The following FOXN3 variants were observed in gnomAD, a reference collection of about 807,000 sequenced individuals.
FOXN3 encodes forkhead box protein N3.
Under a neutral mutation model 38.4 loss-of-function variants are expected in FOXN3, and 7 were observed. The observed-to-expected ratio is 0.18, with a 90% CI of 0.10 to 0.34. FOXN3 has a LOEUF of 0.34. Among genes scored for constraint, FOXN3 ranks in the 10% least tolerant of loss-of-function variants. The pLI is 1.00. For missense variants in FOXN3, 456 were observed against 613.4 expected (o/e 0.74, Z 2.71); for synonymous variants, 230 against 242.2 (o/e 0.95, Z 0.47).
intron 3 of FOXN3, among the ~76,000 whole-genome samples, chr14:89,289,500 T>C (rs1284393516): frequency 6.6e-6 from 1 of 152,248 alleles, no homozygotes; most frequent in African/African-American, 2.4e-5. Flanking sequence ...GCAAAAGCAC[T>C]GTTTCCTCCC....
At position 89,574,912 on chromosome 14, in the gene FOXN3, T is replaced by C. The variant is rs558943938; in HGVS notation, c.-15+44116A>G. On this transcript the variant is annotated intron_variant, in intron 1 of 6. Transcript: ENST00000345097. ...ATTGTAAATTTCTATTTCTTCTGTA[T>C]GTTGTGCCTTTATAGGAAAGGAAGG... 1.8e-4 allele frequency among the ~76,000 whole-genome samples: 27 copies of C among 152,300 alleles called. No individual in the cohort carries two copies. The East Asian group carries it at 5.0e-3, about 28-fold the overall frequency.
At chr14:89,200,333 C>T (rs1245237969) in intron 4 of FOXN3, among the ~76,000 whole-genome samples, 4 of 152,172 alleles carry the variant, frequency 2.6e-5, no homozygotes, top group African/African-American at 9.7e-5. Flanking sequence ...TGTAAATTGC[C>T]CATCTATTAC....
chr14:89,345,207 T>C (rs1251145758), intron 3 of FOXN3, among the ~76,000 whole-genome samples: 1 of 152,100 alleles, frequency 6.6e-6, no homozygotes, highest in Non-Finnish European at 1.5e-5. Flanking sequence ...TTCCAGAGAA[T>C]GAGGCAAAAG....
At chr14:89,436,944 C>T (rs1471892697) in intron 1 of FOXN3, among the ~76,000 whole-genome samples, 2 of 152,064 alleles carry the variant, frequency 1.3e-5, no homozygotes, top group Non-Finnish European at 2.9e-5. Flanking sequence ...GTCAGGAATT[C>T]GAGACCAGCC....
At position 89,162,438 on chromosome 14, in the gene FOXN3, C is replaced by T. The variant is rs748392128; in HGVS notation, c.1383G>A (p.Glu461=). 5 of 1,567,926 alleles carry T rather than the reference C, an allele frequency of 3.2e-6. No individual in the cohort carries two copies. The South Asian group carries it at 4.7e-5, about 15-fold the overall frequency. ...TTTAATTTTTTGTGGTTTCCTTTTG[C>T]TCTTTCTGCCCCTTTGCCGTCCGAT... ...ITNRTAKGQK[E]QKETTKN Residue 461 remains glutamate (E), a synonymous_variant, in exon 6 of 6, where the codon GAG becomes GAA. Coordinates refer to ENST00000557258, the MANE Select transcript of FOXN3 (RefSeq NM_005197.4). The surrounding 1 kb of genome is among the most constrained non-coding windows in gnomAD (Gnocchi z 7.2).
At chr14:89,396,771 G>T (rs1449513798) in intron 2 of FOXN3, among the ~76,000 whole-genome samples, 1 of 149,464 alleles carries the variant, frequency 6.7e-6, no homozygotes, top group East Asian at 2.0e-4. Flanking sequence ...GGCGGAGGTT[G>T]CAGTGAGCTG....
chr14:89,458,230 T>C lies in FOXN3; in HGVS notation c.-14-45740A>G, dbSNP rs1193363733. Among the ~76,000 whole-genome samples the C allele has an allele frequency of 2.0e-5, 3 of 152,094 alleles. 1 individual carries two copies. In the South Asian group the frequency reaches 6.2e-4, roughly 32 times the overall value. On this transcript the variant is annotated intron_variant, in intron 1 of 6. Coordinates refer to the FOXN3 transcript ENST00000345097. ...AAGGCTTTTTCCCCCATAAGAAATA[T>C]CTGTAGTTTTCAGTGTCTCTTGTCA...
At chr14:89,304,885 C>T (rs1474206493) in intron 3 of FOXN3, among the ~76,000 whole-genome samples, 1 of 150,706 alleles carries the variant, frequency 6.6e-6, no homozygotes, top group Non-Finnish European at 1.5e-5. Context: ...AAACATATAC[C>T]CAGAGGAGAG....
intron 4 of FOXN3, among the ~76,000 whole-genome samples, chr14:89,235,960 T>C (rs1884968201): frequency 1.3e-5 from 2 of 149,656 alleles, no homozygotes; most frequent in South Asian, 2.1e-4. Context: ...TAGCAGCAGA[T>C]GGAGAAACTG....
chr14:89,224,696 C>T (rs952857876), intron 4 of FOXN3, among the ~76,000 whole-genome samples: 1 of 152,106 alleles, frequency 6.6e-6, no homozygotes, highest in African/African-American at 2.4e-5. Context: ...CTAAGGAAGA[C>T]AAAATGCTAC....
At chr14:89,308,614 C>A (rs977907767) in intron 3 of FOXN3, among the ~76,000 whole-genome samples, 1 of 152,212 alleles carries the variant, frequency 6.6e-6, no homozygotes, top group African/African-American at 2.4e-5. Flanking sequence ...CGGGAAGAAG[C>A]AGAATCTGGC....
At chr14:89,317,138 A>C (rs2139967470) in intron 3 of FOXN3, among the ~76,000 whole-genome samples, 1 of 152,354 alleles carries the variant, frequency 6.6e-6, no homozygotes, top group African/African-American at 2.4e-5. Flanking sequence ...ATGCAAAAAA[A>C]CAAAAAATAA....
chr14:89,553,169 GTT>G (rs916726979), intron 1 of FOXN3, among the ~76,000 whole-genome samples: 6 of 146,632 alleles, frequency 4.1e-5, no homozygotes, highest in African/African-American at 1.3e-4. Flanking sequence ...AGACCAGGCA[GTT>G]GAGAATGCAG....
At chr14:89,526,795 C>A (rs1441955308) in intron 1 of FOXN3, among the ~76,000 whole-genome samples, 1 of 151,990 alleles carries the variant, frequency 6.6e-6, no homozygotes, top group Non-Finnish European at 1.5e-5. Flanking sequence ...GCAAAAACAA[C>A]TTTCAACAAG....
chr14:89,424,041 A>C (rs927857832), intron 1 of FOXN3, among the ~76,000 whole-genome samples: 10 of 152,234 alleles, frequency 6.6e-5, no homozygotes, highest in Non-Finnish European at 2.9e-5. Flanking sequence ...TATTGAATAA[A>C]TTAACTGAAG....
intron 4 of FOXN3, among the ~76,000 whole-genome samples, chr14:89,216,846 C>T (rs74379158): frequency 0.018 from 2,812 of 152,280 alleles, 80 homozygotes; most frequent in African/African-American, 0.063. Flanking sequence ...TTCCCTGCTG[C>T]GTGTGGCTGT....
At chr14:89,566,895 A>C (rs1391876789) in intron 1 of FOXN3, among the ~76,000 whole-genome samples, 78 of 118,114 alleles carry the variant, frequency 6.6e-4, no homozygotes, top group South Asian at 1.1e-3. Context: ...TCCTTCCCCT[A>C]CCCCCTCCTT....
chr14:89,416,039 C>T (rs1891705074), intron 1 of FOXN3, among the ~76,000 whole-genome samples: 1 of 152,174 alleles, frequency 6.6e-6, no homozygotes. Flanking sequence ...AACAGATGTT[C>T]GATGCGAACT....
rs79695044 is a variant in FOXN3, at chr14:89,345,247, A to G, written c.680+5425T>C. Reference sequence around the variant, plus strand: ...AGCCCTTCACAATCAGCTCTTCACTAAAGTAGGTCAGGCAACTCTCAGTGC... The same window carrying G: ...AGCCCTTCACAATCAGCTCTTCACTGAAGTAGGTCAGGCAACTCTCAGTGC... On this transcript the variant is annotated intron_variant, in intron 3 of 5. Coordinates refer to ENST00000557258, the MANE Select transcript of FOXN3 (RefSeq NM_005197.4). 9.9e-3 allele frequency among the ~76,000 whole-genome samples: 1,505 copies of G among 152,208 alleles called. 19 individuals carry two copies. The highest frequency in any genetic ancestry group is 0.035 in the African/African-American group (1,436 of 41,512).
Sources: allele counts gnomAD v4.1 joint callset (sites outside exome capture counted in the v4.1 genomes callset), GRCh38; gene constraint gnomAD v4.1.1; non-coding constraint Gnocchi (gnomAD v3.1); transcripts MANE v1.5; gene names NCBI Gene and HGNC (gene_info 2026-07-23, HGNC 2026-07-21).